Variants in VPS37A observed in about 807,000 individuals in gnomAD.
VPS37A encodes vacuolar protein sorting-associated protein 37A.
Under a neutral mutation model 49.8 loss-of-function variants are expected in VPS37A, and 30 were observed. The observed-to-expected ratio is 0.60, with a 90% CI of 0.45 to 0.82. VPS37A has a LOEUF of 0.82. Ranked by LOEUF, VPS37A falls within the 40% of genes least tolerant of loss-of-function variation. The pLI, the probability that VPS37A is intolerant of heterozygous loss-of-function variation, is 0.00. For missense variants in VPS37A, 593 were observed against 464.4 expected (o/e 1.28, Z -2.55); for synonymous variants, 195 against 160.6 (o/e 1.21, Z -1.62).
chr8:17,302,546 A>G, downstream of VPS37A: 1 of 322,970 alleles, frequency 3.1e-6, no homozygotes, highest in Non-Finnish European at 5.6e-6. Context: ...TAAAATTAAA[A>G]TAGTACATGT....
the VPS37A span, among the ~76,000 whole-genome samples, chr8:17,333,342 T>C: frequency 6.6e-6 from 1 of 152,258 alleles, no homozygotes; most frequent in African/African-American, 2.4e-5. Flanking sequence ...CCTATAGACA[T>C]TGTTCTTCCA....
At chr8:17,299,126 A>C (rs1009554443), downstream of VPS37A, 5 of 152,226 alleles carry the variant, frequency 3.3e-5, no homozygotes, top group African/African-American at 1.2e-4. Flanking sequence ...TTAAATTCAT[A>C]TGTAAGACCA....
intron 1 of VPS37A, among the ~76,000 whole-genome samples, chr8:17,251,926 C>T (rs1343779391): frequency 1.3e-5 from 2 of 152,120 alleles, no homozygotes; most frequent in Non-Finnish European, 1.5e-5. Flanking sequence ...TTGATCACAG[C>T]TATAAGACTT....
chr8:17,279,896 C>T lies in VPS37A; in HGVS notation c.714-132C>T, dbSNP rs756640948. On this transcript the variant is annotated intron_variant, in intron 6 of 11. Transcript: ENST00000324849. Reference sequence around the variant, plus strand: ...TATTTGATTTTAAGGTTAAAACTGGCAGCCTTAGGTGTATATGTAAAAATT... The same window carrying T: ...TATTTGATTTTAAGGTTAAAACTGGTAGCCTTAGGTGTATATGTAAAAATT... 5 of 1,064,268 alleles carry T rather than the reference C, an allele frequency of 4.7e-6. No individual in the cohort carries two copies. The South Asian group carries it at 6.5e-5, about 14-fold the overall frequency. 65.9% of individuals were successfully genotyped at this position (1,064,268 alleles called of 1,614,324 possible). A position where few individuals can be genotyped will look rare whatever the true frequency, so the allele number is the denominator to read the frequency against.
downstream of VPS37A, chr8:17,302,427 A>T: frequency 1.2e-6 from 1 of 808,770 alleles, no homozygotes; most frequent in Non-Finnish European, 1.8e-6. Flanking sequence ...ACTTAAGGTA[A>T]TAATTTCATG....
At chr8:17,311,745 C>A in the VPS37A span, 1 of 1,521,398 alleles carries the variant, frequency 6.6e-7, no homozygotes, top group East Asian at 2.3e-5. Context: ...ACAGCCAAAA[C>A]GAAACACCTG....
At chr8:17,259,297 CTT>C (rs912297471) in intron 1 of VPS37A, among the ~76,000 whole-genome samples, 4 of 151,956 alleles carry the variant, frequency 2.6e-5, no homozygotes, top group African/African-American at 9.7e-5. Flanking sequence ...TGTTTGAAGA[CTT>C]TTTAAAATTT....
chr8:17,258,157 T>C (rs190382899), intron 1 of VPS37A, among the ~76,000 whole-genome samples: 157 of 152,326 alleles, frequency 1.0e-3, no homozygotes, highest in Non-Finnish European at 1.6e-3. Context: ...TCTTGCCTAA[T>C]TGCTCTGGCC....
chr8:17,321,744 T>A, the VPS37A span, among the ~76,000 whole-genome samples: 1 of 152,328 alleles, frequency 6.6e-6, no homozygotes, highest in East Asian at 1.9e-4. Flanking sequence ...CAGAGACATA[T>A]GCCACAAATT....
intron 4 of VPS37A, among the ~76,000 whole-genome samples, chr8:17,273,968 C>T (rs1017226002): frequency 1.3e-5 from 2 of 152,096 alleles, no homozygotes; most frequent in Non-Finnish European, 2.9e-5. Context: ...AGTGCCTGAT[C>T]CATATAAACT....
chr8:17,272,773 C>G (rs948593226), intron 4 of VPS37A, among the ~76,000 whole-genome samples: 1 of 151,992 alleles, frequency 6.6e-6, no homozygotes, highest in African/African-American at 2.4e-5. Context: ...GATTAGAAAA[C>G]TTAATTTTTT....
At chr8:17,328,403 C>T in the VPS37A span, among the ~76,000 whole-genome samples, 1 of 152,174 alleles carries the variant, frequency 6.6e-6, no homozygotes, top group East Asian at 1.9e-4. Context: ...ATTCCAGGCT[C>T]TTCTACGGAC....
the VPS37A span, among the ~76,000 whole-genome samples, chr8:17,331,459 C>A: frequency 1.3e-5 from 2 of 152,230 alleles, no homozygotes; most frequent in Non-Finnish European, 2.9e-5. Flanking sequence ...GGGACTCCTG[C>A]TGAGCTTATA....
intron 11 of VPS37A, among the ~76,000 whole-genome samples, chr8:17,290,172 C>G (rs1236602022): frequency 6.6e-6 from 1 of 152,162 alleles, no homozygotes; most frequent in Non-Finnish European, 1.5e-5. Flanking sequence ...TCCTCTTTTC[C>G]TATTTGAATA....
intron 1 of VPS37A, among the ~76,000 whole-genome samples, chr8:17,250,342 GACTTAC>G (rs1199481402): frequency 2.6e-5 from 4 of 152,148 alleles, no homozygotes; most frequent in South Asian, 2.1e-4. Flanking sequence ...TTAGTGGTAC[GACTTAC>G]ACTTAAAAGA....
At chr8:17,306,072 C>A, downstream of VPS37A, 1 of 824,176 alleles carries the variant, frequency 1.2e-6, no homozygotes, top group Non-Finnish European at 1.8e-6. Context: ...TCTTATCTTA[C>A]AAACTTGGAA....
intron 1 of VPS37A, among the ~76,000 whole-genome samples, chr8:17,256,289 G>GTTTTTTTTTTTTTT (rs1405488050): frequency 1.3e-5 from 1 of 75,388 alleles, no homozygotes; most frequent in African/African-American, 7.5e-5. Context: ...GGGGTAAAAT[G>GTTTTTTTTTTTTTT]ATTTTTTTTT....
chr8:17,297,531 G>A lies in VPS37A; in HGVS notation c.*2545G>A, dbSNP rs1246122283. ...CTATAAAAAGCTCAGTTACTGATTT[G>A]CTGGGTCATGGTCAAAATTCTTACC... On this transcript the variant is annotated 3_prime_UTR_variant, in exon 12 of 12. Transcript: ENST00000324849. 6.7e-6 allele frequency: 1 copy of A among 148,250 alleles called. No individual in the cohort carries two copies. The highest frequency in any genetic ancestry group is 1.5e-5 in the Non-Finnish European group (1 of 67,478). 9.2% of individuals were successfully genotyped at this position (148,250 alleles called of 1,614,324 possible).
chr8:17,327,421 C>T, the VPS37A span, among the ~76,000 whole-genome samples: 1 of 149,488 alleles, frequency 6.7e-6, no homozygotes, highest in Admixed American at 6.7e-5. Flanking sequence ...CAGGCACACA[C>T]CACCACGCCT....
Sources: allele counts gnomAD v4.1 joint callset (sites outside exome capture counted in the v4.1 genomes callset), GRCh38; gene constraint gnomAD v4.1.1; transcripts MANE v1.5; gene names NCBI Gene and HGNC (gene_info 2026-07-23, HGNC 2026-07-21).